The following GSTA1 variants were observed in gnomAD, a reference collection of about 807,000 sequenced individuals.
GSTA1 encodes the protein glutathione S-transferase alpha 1, also known as glutathione S-transferase A1.
In GSTA1, 23 loss-of-function variants were observed where a neutral mutation model predicts 21.5. That is an observed-to-expected ratio of 1.07 (90% confidence interval 0.77 to 1.52). The LOEUF (loss-of-function observed/expected upper bound fraction) is 1.52. Ranked by LOEUF, GSTA1 falls within the 40% of genes most tolerant of loss-of-function variation. The pLI is 0.00. For synonymous variants in GSTA1, 125 were observed against 90.0 expected, an observed-to-expected ratio of 1.39 and a Z score of -2.20; for missense variants, 301 against 264.2, an observed-to-expected ratio of 1.14 and a Z score of -0.96.
Position 52,791,981 on chromosome 6 carries a change from C to G in GSTA1, c.547-1G>C. 2 of 1,613,894 alleles carry G rather than the reference C, an allele frequency of 1.2e-6. No individual in the cohort carries two copies. The highest frequency in any genetic ancestry group is 1.7e-6 in the Non-Finnish European group (2 of 1,179,852). On this transcript the variant is annotated splice_acceptor_variant, in intron 6 of 6. Coordinates refer to ENST00000334575, the MANE Select transcript of GSTA1 (RefSeq NM_145740.5). LOFTEE classifies it high-confidence loss of function. ...GGTTGCTGATTCTGGTTTTCAGGGC[C>G]TGTAATTCATAAAGCACAGCCTCAG...
At chr6:52,801,203 G>T (rs1385273747) in intron 1 of GSTA1, among the ~76,000 whole-genome samples, 3 of 152,126 alleles carry the variant, frequency 2.0e-5, no homozygotes, top group Non-Finnish European at 2.9e-5. Flanking sequence ...TTTCTAAAAA[G>T]GTATGTATGA....
At chr6:52,794,419 A>C (rs1427632527) in intron 4 of GSTA1, among the ~76,000 whole-genome samples, 153 bp from the exon 5 acceptor site, 1 of 152,166 alleles carries the variant, frequency 6.6e-6, no homozygotes, top group African/African-American at 2.4e-5. Context: ...TCTGAGTTTT[A>C]CAGGTATATT....
chr6:52,795,655 T>C (rs1396963302), intron 4 of GSTA1, among the ~76,000 whole-genome samples: 3 of 152,184 alleles, frequency 2.0e-5, no homozygotes, highest in African/African-American at 7.2e-5. Context: ...TATCCATGTG[T>C]CAAGGTAACC....
At chr6:52,799,356 G>A (rs1044113862) in intron 1 of GSTA1, 59 bp from the exon 2 acceptor site, 2 of 1,198,942 alleles carry the variant, frequency 1.7e-6, no homozygotes, top group Middle Eastern at 2.2e-4. Context: ...ATGTACTTTA[G>A]GATATGTAGT....
In GSTA1 at chr6:52,794,261, T is replaced by G. The variant is rs367956745; in HGVS notation, c.278A>C (p.Asp93Ala). 2.5e-6 allele frequency: 4 copies of G among 1,610,688 alleles called. No individual in the cohort carries two copies. In the African/African-American group the frequency reaches 5.4e-5, roughly 22 times the overall value. ...GKDIKERALI[D>A]MYIEGIADLG... ...ATCTGCTATACCTTCTATATACATA[T>G]CAATCCTGAAAGACAGAAACAACCA... Residue 93 changes from aspartate (D) to alanine (A), a missense_variant, in exon 5 of 7, where the codon GAT becomes GCT. By Grantham distance (126) the Asp-to-Ala change is moderately radical (BLOSUM62 -2). Transcript: ENST00000334575.
At chr6:52,795,524 T>G (rs1763556222) in intron 4 of GSTA1, among the ~76,000 whole-genome samples, 1 of 152,122 alleles carries the variant, frequency 6.6e-6, no homozygotes, top group South Asian at 2.1e-4. Context: ...TATATTAAAG[T>G]TTTTGAGGAG....
chr6:52,795,226 C>T (rs1206465636), intron 4 of GSTA1, among the ~76,000 whole-genome samples: 7 of 152,192 alleles, frequency 4.6e-5, no homozygotes, highest in Non-Finnish European at 4.4e-5. Context: ...TAATATGTGG[C>T]CTTCTGTGTC....
intron 3 of GSTA1, among the ~76,000 whole-genome samples, chr6:52,796,658 C>T (rs1763598266): frequency 6.7e-6 from 1 of 148,520 alleles, no homozygotes; most frequent in Admixed American, 6.8e-5. Context: ...ACTCTCCTAC[C>T]TCAGCCTCCC....
chr6:52,796,455 C>CTATATATATATA lies in GSTA1; in HGVS notation c.140-153_140-142dup, dbSNP rs70977384. 2.0e-5 allele frequency: 5 copies of CTATATATATATA among 250,194 alleles called. No individual in the cohort carries two copies. The African/African-American group carries it at 4.1e-4, about 21-fold the overall frequency. The allele number at this position is 250,194 out of a possible 1,614,324, so 15.5% of individuals were successfully genotyped here. A position where few individuals can be genotyped will look rare whatever the true frequency, so the allele number is the denominator to read the frequency against. ...GGTAAGATTTCACTTGAAACAAAAA[C>CTATATATATATA]TATATATATATATATATATATATAT... On this transcript the variant is annotated intron_variant, in intron 3 of 6. Transcript: ENST00000334575.
At chr6:52,800,520 G>C (rs974341667) in intron 1 of GSTA1, among the ~76,000 whole-genome samples, 10 of 152,348 alleles carry the variant, frequency 6.6e-5, no homozygotes, top group African/African-American at 2.4e-4. Context: ...ACGGATGTTT[G>C]CACGTGTGCA....
At chr6:52,792,048 G>A in intron 6 of GSTA1, 68 bp from the exon 7 acceptor site, 1 of 1,599,230 alleles carries the variant, frequency 6.3e-7, no homozygotes. Flanking sequence ...ATGACCCAGG[G>A]AATCTGAGCC....
At chr6:52,797,187 C>T (rs1265222612) in intron 3 of GSTA1, among the ~76,000 whole-genome samples, 1 of 152,156 alleles carries the variant, frequency 6.6e-6, no homozygotes, top group Non-Finnish European at 1.5e-5. Flanking sequence ...CCACTCCCCC[C>T]ATGAAAGAAA....
At chr6:52,801,062 G>A (rs541635092) in intron 1 of GSTA1, among the ~76,000 whole-genome samples, 7 of 152,102 alleles carry the variant, frequency 4.6e-5, no homozygotes, top group African/African-American at 1.7e-4. Flanking sequence ...TGTATTTTTA[G>A]TGGAGACAGG....
At chr6:52,797,179 A>G (rs960813870) in intron 3 of GSTA1, among the ~76,000 whole-genome samples, 13 of 151,488 alleles carry the variant, frequency 8.6e-5, no homozygotes, top group African/African-American at 3.2e-4. Context: ...ACCCAGTCCC[A>G]CTCCCCCCAT....
At chr6:52,792,470 G>T (rs956497841) in intron 6 of GSTA1, among the ~76,000 whole-genome samples, 1 of 152,144 alleles carries the variant, frequency 6.6e-6, no homozygotes, top group African/African-American at 2.4e-5. Flanking sequence ...GACAGCAGGA[G>T]CCGGAGCCCA....
chr6:52,793,427 T>C (rs1561910749), intron 5 of GSTA1, among the ~76,000 whole-genome samples: 2 of 152,154 alleles, frequency 1.3e-5, no homozygotes, highest in African/African-American at 4.8e-5. Context: ...AGGAGGAGAC[T>C]ATTTCAGAGT....
At chr6:52,801,156 C>T (rs1763707230) in intron 1 of GSTA1, among the ~76,000 whole-genome samples, 1 of 152,186 alleles carries the variant, frequency 6.6e-6, no homozygotes, top group African/African-American at 2.4e-5. Context: ...GCTGGGATTA[C>T]AGGAGTGAGC....
At chr6:52,792,430 G>C (rs112846024) in intron 6 of GSTA1, among the ~76,000 whole-genome samples, 1,898 of 152,270 alleles carry the variant, frequency 0.012, 46 homozygotes, top group African/African-American at 0.042. Context: ...CAGTGTTCTG[G>C]AGAGCTGTGC....
intron 6 of GSTA1, chr6:52,792,613 TG>T: frequency 2.3e-6 from 2 of 877,892 alleles, no homozygotes; most frequent in African/African-American, 1.7e-5. Flanking sequence ...TGCTGGGCCC[TG>T]GGTTCTTTCC....
Sources: gnomAD v4.1 joint callset for allele counts (sites outside exome capture counted in the v4.1 genomes callset) on GRCh38, gnomAD v4.1.1 for gene constraint, MANE v1.5 for transcripts, NCBI Gene and HGNC (gene_info 2026-07-23, HGNC 2026-07-21) for gene names.